Variants in DYNC2I1 observed in about 807,000 individuals in gnomAD.
DYNC2I1 encodes the protein dynein 2 intermediate chain 1, also known as cytoplasmic dynein 2 intermediate chain 1.
A neutral mutation model predicts 133.4 loss-of-function variants in DYNC2I1; 89 were observed. The observed-to-expected ratio is 0.67, with a 90% CI of 0.56 to 0.80. DYNC2I1 has a LOEUF of 0.80. Among genes scored for constraint, DYNC2I1 ranks in the 30% least tolerant of loss-of-function variants. The probability of loss-of-function intolerance (pLI) is 0.00; values close to 1 mark genes in which losing one functional copy is unlikely to be tolerated. For synonymous variants in DYNC2I1, 504 were observed against 484.3 expected, an observed-to-expected ratio of 1.04 and a Z score of -0.54; for missense variants, 1,291 against 1,314.5, an observed-to-expected ratio of 0.98 and a Z score of 0.28.
Position 158,934,398 on chromosome 7 carries a change from C to T in DYNC2I1, c.2647-20C>T. ...TGTGTAATGCACTCGTTCAGTCACT[C>T]TTGGGCTTCTTCTTCACAGGGTCTC... On this transcript the variant is annotated intron_variant, in intron 22 of 24. Coordinates refer to ENST00000407559, the MANE Select transcript of DYNC2I1 (RefSeq NM_018051.5). 6.2e-7 allele frequency: 1 copy of T among 1,604,346 alleles called. No individual in the cohort carries two copies. Among genetic ancestry groups the T allele is most frequent in the Non-Finnish European group, 8.5e-7 (1 of 1,175,562 alleles).
At chr7:158,887,354 CAG>C (rs1016915978) in intron 7 of DYNC2I1, among the ~76,000 whole-genome samples, 3 of 152,136 alleles carry the variant, frequency 2.0e-5, no homozygotes, top group African/African-American at 4.8e-5. Context: ...GATTTTGAGA[CAG>C]AAAGTGTTAC....
At chr7:158,956,151 TAG>T (rs970354308) in intron 4 of DYNC2I1, among the ~76,000 whole-genome samples, 5 of 152,222 alleles carry the variant, frequency 3.3e-5, no homozygotes, top group East Asian at 1.9e-4. Context: ...CCGGCAGCTG[TAG>T]AGAGAGTTTT....
At chr7:158,936,302 A>G (rs1424415846) in intron 23 of DYNC2I1, among the ~76,000 whole-genome samples, 2 of 150,060 alleles carry the variant, frequency 1.3e-5, no homozygotes. Flanking sequence ...AACCAAATAC[A>G]TAGCACCAAG....
At chr7:158,877,197 G>T (rs1274756914) in intron 4 of DYNC2I1, among the ~76,000 whole-genome samples, 1 of 151,850 alleles carries the variant, frequency 6.6e-6, no homozygotes, top group East Asian at 1.9e-4. Flanking sequence ...TTGGTGTTCC[G>T]CGGTGCGGGT....
intron 1 of DYNC2I1, among the ~76,000 whole-genome samples, chr7:158,858,408 C>A (rs1204676675): frequency 6.6e-6 from 1 of 152,158 alleles, no homozygotes; most frequent in Admixed American, 6.5e-5. Flanking sequence ...AACAATGTTT[C>A]TGGTGTCAGG....
intron 4 of DYNC2I1, among the ~76,000 whole-genome samples, chr7:158,956,173 C>T (rs1585281432): frequency 6.6e-6 from 1 of 152,258 alleles, no homozygotes; most frequent in Admixed American, 6.5e-5. Context: ...TCCTGGGACA[C>T]AGCCACGTGC....
At chr7:158,927,156 C>T (rs1052002549) in intron 20 of DYNC2I1, 113 bp downstream of exon 20, 38 of 694,416 alleles carry the variant, frequency 5.5e-5, no homozygotes, top group Non-Finnish European at 7.9e-5. Context: ...AGCCTCAGCA[C>T]GTTGGGAGGC....
chr7:158,910,009 G>T (rs942010408), intron 11 of DYNC2I1, among the ~76,000 whole-genome samples: 1 of 152,186 alleles, frequency 6.6e-6, no homozygotes. Flanking sequence ...CCTGGATGTT[G>T]GGCGGGTCGT....
chr7:158,901,352 G>A (rs1846236982), intron 8 of DYNC2I1, among the ~76,000 whole-genome samples: 1 of 152,190 alleles, frequency 6.6e-6, no homozygotes, highest in Admixed American at 6.5e-5. Context: ...GATTAAAGGT[G>A]TGAGCCACAG....
At chr7:158,907,879 T>C (rs1025563490) in intron 11 of DYNC2I1, among the ~76,000 whole-genome samples, 2 of 152,042 alleles carry the variant, frequency 1.3e-5, no homozygotes, top group Admixed American at 6.6e-5. Context: ...TCCCAAAGTA[T>C]TGGGATTACA....
intron 1 of DYNC2I1, among the ~76,000 whole-genome samples, chr7:158,864,880 T>C (rs1270392005): frequency 2.0e-5 from 3 of 152,232 alleles, no homozygotes; most frequent in Non-Finnish European, 4.4e-5. Context: ...TAACCTCTGA[T>C]GAGTGTTTTC....
intron 1 of DYNC2I1, among the ~76,000 whole-genome samples, chr7:158,866,082 T>C (rs997530391): frequency 7.1e-6 from 1 of 140,648 alleles, no homozygotes; most frequent in Non-Finnish European, 1.5e-5. Context: ...GGTTTTTAAC[T>C]TTGTCAGTAT....
chr7:158,958,443 G>A (rs994425835), downstream of DYNC2I1, among the ~76,000 whole-genome samples: 2 of 152,246 alleles, frequency 1.3e-5, no homozygotes, highest in Middle Eastern at 3.2e-3. Context: ...CGGGAACACC[G>A]GCCCCCGGGC....
At chr7:158,928,114 G>T (rs2129487226) in intron 20 of DYNC2I1, among the ~76,000 whole-genome samples, 1 of 152,272 alleles carries the variant, frequency 6.6e-6, no homozygotes, top group South Asian at 2.1e-4. Flanking sequence ...CCCCGGGTTT[G>T]GGCAGAGCAG....
rs1842840602 is a variant in DYNC2I1 at position 158,871,180 on chromosome 7, CAG to C, written c.114_115del (p.Lys39GlufsTer4). ...SGGSKEERKH[R>X]EKKLRKESEM... is the part of the protein sequence containing the mutation. ...GTGGTTCCAAGGAAGAAAGAAAGCA[CAG>C]AGAGAAGAAGCTGCGTAAGGAGTCT... On this transcript the variant is annotated frameshift_variant, in exon 3 of 25. Transcript: ENST00000407559. LOFTEE classifies it high-confidence loss of function. 6.2e-7 allele frequency: 1 copy of C among 1,613,606 alleles called. No individual in the cohort carries two copies.
chr7:158,915,003 C>G (rs1847886671), intron 14 of DYNC2I1, among the ~76,000 whole-genome samples: 1 of 152,246 alleles, frequency 6.6e-6, no homozygotes. Flanking sequence ...AAGCTCAGCA[C>G]TTGAGTCTAC....
intron 2 of DYNC2I1, among the ~76,000 whole-genome samples, chr7:158,870,296 C>T (rs567995152): frequency 1.7e-4 from 26 of 152,070 alleles, no homozygotes; most frequent in Non-Finnish European, 2.9e-4. Flanking sequence ...TAAAACACAG[C>T]TTCAGTATCT....
chr7:158,866,731 G>A (rs1563078016), intron 1 of DYNC2I1, among the ~76,000 whole-genome samples: 2 of 151,064 alleles, frequency 1.3e-5, no homozygotes, highest in Non-Finnish European at 3.0e-5. Context: ...CTAAAATTAC[G>A]AAACTTAGCC....
chr7:158,892,481 G>C (rs1456886420), intron 8 of DYNC2I1, among the ~76,000 whole-genome samples: 1 of 151,864 alleles, frequency 6.6e-6, no homozygotes, highest in Non-Finnish European at 1.5e-5. Flanking sequence ...TCGCTCTGTT[G>C]CCCAGGCTGG....
Sources: gnomAD v4.1 joint callset for allele counts (sites outside exome capture counted in the v4.1 genomes callset) on GRCh38, gnomAD v4.1.1 for gene constraint, MANE v1.5 for transcripts, NCBI Gene and HGNC (gene_info 2026-07-23, HGNC 2026-07-21) for gene names.